GRIA1: variants seen among roughly 807,000 people sequenced by gnomAD.
GRIA1 encodes glutamate ionotropic receptor AMPA type subunit 1.
Under a neutral mutation model 99.2 loss-of-function variants are expected in GRIA1, and 31 were observed. That is an observed-to-expected ratio of 0.31 (90% CI 0.23 to 0.42). The LOEUF (loss-of-function observed/expected upper bound fraction) is 0.42, where lower values mean the gene tolerates loss of function less well. Ranked by LOEUF, GRIA1 falls within the 10% of genes least tolerant of loss-of-function variation. The pLI is 1.00. For synonymous variants in GRIA1, 438 were observed against 432.4 expected, an observed-to-expected ratio of 1.01 and a Z score of -0.16; for missense variants, 782 against 1,157.5, an observed-to-expected ratio of 0.68 and a Z score of 4.71.
intron 2 of GRIA1, among the ~76,000 whole-genome samples, chr5:153,547,081 T>C: frequency 6.6e-6 from 1 of 152,326 alleles, no homozygotes; most frequent in South Asian, 2.1e-4. Flanking sequence ...GCTTAACCCG[T>C]GGGCCTCAGG....
chr5:153,554,111 G>C (rs1760399685), intron 2 of GRIA1, among the ~76,000 whole-genome samples: 1 of 152,214 alleles, frequency 6.6e-6, no homozygotes, highest in Admixed American at 6.5e-5. Flanking sequence ...CTTCTTTGAT[G>C]GGTTGAGTTG....
At chr5:153,496,595 C>A (rs1025119210) in intron 2 of GRIA1, among the ~76,000 whole-genome samples, 1 of 152,082 alleles carries the variant, frequency 6.6e-6, no homozygotes. Context: ...GCTGGAGGAG[C>A]CTCTCTTAAA....
intron 2 of GRIA1, among the ~76,000 whole-genome samples, chr5:153,538,485 G>A (rs959638396): frequency 6.6e-6 from 1 of 151,942 alleles, no homozygotes; most frequent in Non-Finnish European, 1.5e-5. Context: ...TGGTAGATCT[G>A]CCCTCATCCC....
chr5:153,772,555 C>T (rs376396703), intron 13 of GRIA1, among the ~76,000 whole-genome samples: 4 of 152,060 alleles, frequency 2.6e-5, no homozygotes, highest in South Asian at 2.1e-4. Context: ...AAGTAATTAT[C>T]GGAAAATTGA....
At chr5:153,764,368 G>C in intron 11 of GRIA1, 66 bp from the exon 12 acceptor site, 1 of 1,273,834 alleles carries the variant, frequency 7.9e-7, no homozygotes, top group South Asian at 1.2e-5. Flanking sequence ...CCCGTGCTCA[G>C]TCCCTCCCCA....
At chr5:153,786,996 C>T (rs1765005709) in intron 13 of GRIA1, among the ~76,000 whole-genome samples, 1 of 152,216 alleles carries the variant, frequency 6.6e-6, no homozygotes, top group Admixed American at 6.5e-5. Flanking sequence ...GACGCTGAAA[C>T]TCAAGGTTTC....
Position 153,811,027 on chromosome 5 carries a change from T to C in GRIA1, c.2523T>C (p.Gly841=). ...GAACCCCCGGTCCTCCTGAAAAGGGTTTTTGTTTGATCCCACAGCAATCCA... is the reference window on the plus strand; with the variant it reads ...GAACCCCCGGTCCTCCTGAAAAGGGCTTTTGTTTGATCCCACAGCAATCCA... The part of the protein sequence containing the change: ...KSRSESKRMK[G]FCLIPQQSIN... Residue 841 remains glycine (G), a splice_region_variant and synonymous_variant, in exon 16 of 16, where the codon GGT becomes GGC. Coordinates refer to ENST00000285900, the MANE Select transcript of GRIA1 (RefSeq NM_000827.4). 1.2e-6 allele frequency: 2 copies of C among 1,613,026 alleles called. No individual in the cohort carries two copies. Among genetic ancestry groups the C allele is most frequent in the Non-Finnish European group, 1.7e-6 (2 of 1,179,216 alleles).
chr5:153,642,228 C>T (rs1283857375), intron 2 of GRIA1, among the ~76,000 whole-genome samples: 1 of 152,198 alleles, frequency 6.6e-6, no homozygotes, highest in Non-Finnish European at 1.5e-5. Flanking sequence ...ACATCCATGA[C>T]ATATCACAGA....
intron 2 of GRIA1, among the ~76,000 whole-genome samples, chr5:153,601,405 C>T (rs1764948420): frequency 6.6e-6 from 1 of 152,200 alleles, no homozygotes; most frequent in Non-Finnish European, 1.5e-5. Flanking sequence ...TAATATCTTA[C>T]AGCCCTGCTG....
intron 5 of GRIA1, among the ~76,000 whole-genome samples, chr5:153,665,638 G>A (rs192226114): frequency 1.2e-4 from 18 of 152,270 alleles, no homozygotes; most frequent in East Asian, 1.2e-3. Flanking sequence ...ATATTCATGC[G>A]CACATACCTG....
chr5:153,641,494 G>A lies in GRIA1; in HGVS notation c.221-5434G>A, dbSNP rs527525933. Among the ~76,000 whole-genome samples the A allele has an allele frequency of 1.1e-4, 17 of 152,246 alleles. No individual in the cohort carries two copies. In the South Asian group the frequency reaches 2.3e-3, roughly 20 times the overall value. ...GGTTTTCCTGCTCTCACTGGTTCCT[G>A]CCCTCCTGCTTCCCCAAGAGGGAAT... On this transcript the variant is annotated intron_variant, in intron 2 of 15. Transcript: ENST00000285900.
chr5:153,745,005 C>A (rs1239154960), intron 11 of GRIA1, among the ~76,000 whole-genome samples: 1 of 152,132 alleles, frequency 6.6e-6, no homozygotes, highest in African/African-American at 2.4e-5. Flanking sequence ...ACCCTAGCTT[C>A]GGAGGCAATA....
intron 10 of GRIA1, among the ~76,000 whole-genome samples, chr5:153,702,975 G>A (rs980719570): frequency 1.3e-5 from 2 of 152,178 alleles, no homozygotes; most frequent in Non-Finnish European, 2.9e-5. Context: ...TCAGCCAGTT[G>A]CAGAGAAGAG....
intron 2 of GRIA1, among the ~76,000 whole-genome samples, chr5:153,521,698 T>C (rs1561607232): frequency 3.3e-5 from 5 of 152,096 alleles, no homozygotes; most frequent in Admixed American, 2.6e-4. Context: ...ATAATGAAAA[T>C]AATATGATAG....
chr5:153,661,847 C>A (rs1034692762), intron 5 of GRIA1, among the ~76,000 whole-genome samples: 1 of 152,212 alleles, frequency 6.6e-6, no homozygotes. Context: ...AAGAGGCCTT[C>A]TAACCCACTT....
chr5:153,498,246 A>G (rs1378442237), intron 2 of GRIA1, among the ~76,000 whole-genome samples: 4 of 152,176 alleles, frequency 2.6e-5, no homozygotes, highest in Non-Finnish European at 4.4e-5. Flanking sequence ...CAATCAGCCC[A>G]TTCTTCCCAT....
At chr5:153,774,986 C>T (rs989546972) in intron 13 of GRIA1, among the ~76,000 whole-genome samples, 1 of 152,148 alleles carries the variant, frequency 6.6e-6, no homozygotes, top group African/African-American at 2.4e-5. Flanking sequence ...TTGGCTGTCA[C>T]TGCATGTTTG....
chr5:153,492,122 T>C (rs1753970009), intron 1 of GRIA1: 2 of 1,412,082 alleles, frequency 1.4e-6, no homozygotes, highest in East Asian at 2.6e-5. Flanking sequence ...AAAGTTCGCA[T>C]TGCTGGGAGT....
intron 2 of GRIA1, among the ~76,000 whole-genome samples, chr5:153,641,559 G>A (rs975262864): frequency 4.6e-5 from 7 of 152,106 alleles, no homozygotes; most frequent in African/African-American, 7.2e-5. Flanking sequence ...TGTTGGACAC[G>A]CTCTGCTACA....
Sources: allele counts gnomAD v4.1 joint callset (sites outside exome capture counted in the v4.1 genomes callset), GRCh38; gene constraint gnomAD v4.1.1; transcripts MANE v1.5; gene names NCBI Gene and HGNC (gene_info 2026-07-23, HGNC 2026-07-21).